Variants in SIRT5 observed in about 807,000 individuals in gnomAD.
The protein encoded by SIRT5 is NAD-dependent protein deacylase sirtuin-5, mitochondrial.
A neutral mutation model predicts 40.0 loss-of-function variants in SIRT5; 26 were observed. That is an observed-to-expected ratio of 0.65 (90% CI 0.48 to 0.90). SIRT5 has a LOEUF of 0.90. Among genes scored for constraint, SIRT5 ranks in the 40% least tolerant of loss-of-function variants. The pLI is 0.00. For missense variants in SIRT5, 401 were observed against 402.4 expected, an observed-to-expected ratio of 1.00 and a Z score of 0.03; for synonymous variants, 146 against 149.1, an observed-to-expected ratio of 0.98 and a Z score of 0.15.
chr6:13,585,723 A>G (rs1320086842), intron 3 of SIRT5, among the ~76,000 whole-genome samples: 2 of 152,186 alleles, frequency 1.3e-5, no homozygotes, highest in African/African-American at 4.8e-5. Context: ...GTGTCTTTAT[A>G]GTAGCATGAT....
chr6:13,615,021 G>C lies in SIRT5; in HGVS notation c.*3156G>C, dbSNP rs1467152164. On this transcript the variant is annotated 3_prime_UTR_variant, in exon 10 of 10. Transcript: ENST00000606117. ...TCGGGCCCGCGATTACCGGTTTTCT[G>C]AGCACCGGACAGCGTGAGCCGTGCC... is the stretch of plus-strand genomic sequence containing the variant. 2 of 283,712 alleles carry C rather than the reference G, an allele frequency of 7.0e-6. No individual in the cohort carries two copies. The highest frequency in any genetic ancestry group is 4.4e-5 in the African/African-American group (2 of 45,790). The allele number at this position is 283,712 out of a possible 1,614,324, so 17.6% of individuals were successfully genotyped here. A position where few individuals can be genotyped will look rare whatever the true frequency, so the allele number is the denominator to read the frequency against.
intron 1 of SIRT5, 80 bp downstream of exon 1, chr6:13,574,824 C>G (rs969876977): frequency 6.6e-6 from 1 of 152,386 alleles, no homozygotes; most frequent in Admixed American, 6.5e-5. Context: ...AGTAATCCCA[C>G]CCGAGCAGGT....
In SIRT5 at chr6:13,599,152, AGTG is replaced by A. The variant is rs780360378; in HGVS notation, c.741+2_741+4del. Reference sequence around the variant, plus strand: ...AGCTCGCCCACTGTGATTTATGTCTAGTGGTGGGTCATGCCCTTCCCTAACCCC... The same window carrying A: ...AGCTCGCCCACTGTGATTTATGTCTAGTGGGTCATGCCCTTCCCTAACCCC... On this transcript the variant is annotated inframe_deletion and splice_region_variant, in exon 8 of 10. Transcript: ENST00000606117. 6.2e-7 allele frequency: 1 copy of A among 1,613,740 alleles called. No homozygotes were observed. The highest frequency in any genetic ancestry group is 8.5e-7 in the Non-Finnish European group (1 of 1,179,796).
chr6:13,594,908 G>C (rs1761375834), intron 5 of SIRT5, among the ~76,000 whole-genome samples: 1 of 152,172 alleles, frequency 6.6e-6, no homozygotes, highest in Non-Finnish European at 1.5e-5. Flanking sequence ...AGGTGCTTTT[G>C]TATAAAAGAT....
Position 13,591,866 on chromosome 6 carries a change from T to C in SIRT5, c.447T>C (p.Ala149=). Residue 149 remains alanine, a synonymous_variant, in exon 5 of 10, where the codon GCT becomes GCC. Transcript: ENST00000606117. ...TQNIDELHRK[A]GTKNLLEIHG... Reference sequence around the variant, plus strand: ...ACATCGATGAGCTGCACCGCAAGGCTGGCACCAAGAACCTTCTGGAGATCC... The same window carrying C: ...ACATCGATGAGCTGCACCGCAAGGCCGGCACCAAGAACCTTCTGGAGATCC... 2 of 1,613,878 alleles carry C rather than the reference T, an allele frequency of 1.2e-6. No homozygotes were observed. The highest frequency in any genetic ancestry group is 1.7e-6 in the Non-Finnish European group (2 of 1,179,770).
intron 9 of SIRT5, among the ~76,000 whole-genome samples, chr6:13,601,153 T>G (rs551694672): frequency 3.9e-5 from 6 of 152,342 alleles, no homozygotes; most frequent in African/African-American, 1.4e-4. Flanking sequence ...ATGCGAAATT[T>G]GCCGTGGGAC....
chr6:13,593,775 C>T (rs867956400), intron 5 of SIRT5, among the ~76,000 whole-genome samples: 1 of 152,140 alleles, frequency 6.6e-6, no homozygotes, highest in Non-Finnish European at 1.5e-5. Flanking sequence ...CTTGTTAAAA[C>T]TTAGACACGT....
intron 2 of SIRT5, among the ~76,000 whole-genome samples, chr6:13,580,407 A>G (rs149335632): frequency 1.9e-3 from 284 of 152,302 alleles, no homozygotes; most frequent in African/African-American, 6.4e-3. Flanking sequence ...AATAAAGATA[A>G]TGTAATTTTA....
chr6:13,576,799 T>G (rs1321558515), intron 1 of SIRT5, among the ~76,000 whole-genome samples: 1 of 152,232 alleles, frequency 6.6e-6, no homozygotes, highest in Non-Finnish European at 1.5e-5. Flanking sequence ...TGTTTGAGAC[T>G]TTAATCTATT....
At chr6:13,582,611 C>CAAAAA (rs756756300) in intron 2 of SIRT5, among the ~76,000 whole-genome samples, 1 of 122,088 alleles carries the variant, frequency 8.2e-6, no homozygotes. Context: ...TGCCTCCCAC[C>CAAAAA]AAAAAAAAAA....
At chr6:13,610,681 C>A (rs1359310755) in intron 9 of SIRT5, among the ~76,000 whole-genome samples, 1 of 152,186 alleles carries the variant, frequency 6.6e-6, no homozygotes, top group East Asian at 1.9e-4. Flanking sequence ...CCTAAACGCT[C>A]CCCATGGCTG....
chr6:13,580,544 T>C (rs948201639), intron 2 of SIRT5, among the ~76,000 whole-genome samples: 1 of 152,216 alleles, frequency 6.6e-6, no homozygotes, highest in African/African-American at 2.4e-5. Flanking sequence ...TCAAAAACTA[T>C]GTAGCCTTTT....
At position 13,578,488 on chromosome 6, in the gene SIRT5, C is replaced by T. The variant is rs145324098; in HGVS notation, c.-194-963C>T. 8.8e-3 allele frequency among the ~76,000 whole-genome samples: 1,338 copies of T among 151,720 alleles called. 29 individuals are homozygous for T. Among genetic ancestry groups the T allele is most frequent in the African/African-American group, 0.031 (1,269 of 41,368 alleles). On this transcript the variant is annotated intron_variant, in intron 1 of 9. Transcript: ENST00000606117. ...ACAAAAAATTAGCCGGGCGTGGTGT[C>T]GGTTGCTTGTAGTCCCAGCTACTCG...
intron 3 of SIRT5, 86 bp downstream of exon 3, chr6:13,584,311 A>G: frequency 1.0e-6 from 1 of 996,550 alleles, no homozygotes; most frequent in Non-Finnish European, 1.6e-6. Context: ...TCTCTGTCAA[A>G]TTAGGTATTG....
chr6:13,575,901 G>A (rs2804927), intron 1 of SIRT5, among the ~76,000 whole-genome samples: 49,061 of 152,036 alleles, frequency 0.32, 8,107 homozygotes, highest in African/African-American at 0.37. Flanking sequence ...GTAAGATCAT[G>A]TGCTGTTTGT....
rs187837835 is a variant in SIRT5, at chr6:13,603,444, G to T, written c.857+2495G>T. Among the ~76,000 whole-genome samples the T allele has an allele frequency of 7.8e-4, 119 of 152,160 alleles. 1 individual carries two copies. Among genetic ancestry groups the T allele is most frequent in the African/African-American group, 2.4e-3 (101 of 41,518 alleles). ...AAAACCAGGTCAAAATATTTGAAAA[G>T]ACATTTCTCCAAATATATACACATG... On this transcript the variant is annotated intron_variant, in intron 9 of 9. Transcript: ENST00000606117.
In SIRT5 at chr6:13,612,376, T is replaced by C. The variant is rs1237631132; in HGVS notation, c.*511T>C. 2 of 151,888 alleles carry C rather than the reference T, an allele frequency of 1.3e-5. No homozygotes were observed. The highest frequency in any genetic ancestry group is 6.6e-5 in the Admixed American group (1 of 15,244). 9.4% of individuals were successfully genotyped at this position (151,888 alleles called of 1,614,324 possible). Reference sequence around the variant, plus strand: ...TTTTTTTGAGACAGAGTTTCACTCTTGTTGCCCAGGCTGGAGTGCAGTGGT... The same window carrying C: ...TTTTTTTGAGACAGAGTTTCACTCTCGTTGCCCAGGCTGGAGTGCAGTGGT... On this transcript the variant is annotated 3_prime_UTR_variant, in exon 10 of 10. Coordinates refer to ENST00000606117, the MANE Select transcript of SIRT5 (RefSeq NM_012241.5).
rs1764204914 is a variant in SIRT5, at chr6:13,614,790, C to T, written c.*2925C>T. 6.6e-6 allele frequency: 1 copy of T among 152,446 alleles called. No individual in the cohort carries two copies. Among genetic ancestry groups the T allele is most frequent in the Admixed American group, 6.5e-5 (1 of 15,292 alleles). The allele number at this position is 152,446 out of a possible 1,614,324, so 9.4% of individuals were successfully genotyped here. On this transcript the variant is annotated 3_prime_UTR_variant, in exon 10 of 10. Transcript: ENST00000606117. ...GCGCCGGGCACGTCTGTGCAGATTT[C>T]TTTAGAGTCCAGGTCTGTCGCCCGC...
intron 7 of SIRT5, 115 bp downstream of exon 7, chr6:13,597,131 A>C: frequency 2.5e-6 from 2 of 784,958 alleles, no homozygotes; most frequent in South Asian, 1.7e-5. Context: ...CAAATGCACA[A>C]ATGTAAAAAC....
Sources: allele counts gnomAD v4.1 joint callset (sites outside exome capture counted in the v4.1 genomes callset), GRCh38; gene constraint gnomAD v4.1.1; transcripts MANE v1.5; gene names NCBI Gene and HGNC (gene_info 2026-07-23, HGNC 2026-07-21).